The following RORA variants were observed in gnomAD, a reference collection of about 807,000 sequenced individuals.
The protein encoded by RORA is RAR related orphan receptor A, also known as nuclear receptor ROR-alpha.
RORA carries 7 observed loss-of-function variants against 69.5 expected under a neutral mutation model. That is an observed-to-expected ratio of 0.10 (90% CI 0.06 to 0.19). The LOEUF (loss-of-function observed/expected upper bound fraction) is 0.19, where lower values mean the gene tolerates loss of function less well. Among genes scored for constraint, RORA ranks in the 10% least tolerant of loss-of-function variants. The pLI, the probability that RORA is intolerant of heterozygous loss-of-function variation, is 1.00. For synonymous variants in RORA, 261 were observed against 240.8 expected, an observed-to-expected ratio of 1.08 and a Z score of -0.78; for missense variants, 457 against 663.0, an observed-to-expected ratio of 0.69 and a Z score of 3.41.
chr15:61,187,497 G>A (rs1425329350), intron 1 of RORA, among the ~76,000 whole-genome samples: 2 of 152,174 alleles, frequency 1.3e-5, no homozygotes, highest in African/African-American at 4.8e-5. Context: ...ACCAAGAGGA[G>A]GAGGAGGGGT....
intron 1 of RORA, among the ~76,000 whole-genome samples, chr15:60,733,588 A>C (rs190296138): frequency 7.2e-5 from 11 of 152,322 alleles, no homozygotes; most frequent in South Asian, 6.2e-4. Flanking sequence ...TGAGGAAGAA[A>C]AAAGACCATG....
At position 61,043,362 on chromosome 15, in the gene RORA, C is replaced by G. The variant is rs548834258; in HGVS notation, c.166+185691G>C. Reference sequence around the variant, plus strand: ...ACTCCTCATCTCACAGATGAGAACTCCAGTTCAGTCCTTTTGCCTCCTCCA... The same window carrying G: ...ACTCCTCATCTCACAGATGAGAACTGCAGTTCAGTCCTTTTGCCTCCTCCA... On this transcript the variant is annotated intron_variant, in intron 1 of 10. Transcript: ENST00000335670. Among the ~76,000 whole-genome samples, 39 of 152,212 alleles carry G rather than the reference C, an allele frequency of 2.6e-4. 1 individual carries two copies. The highest frequency in any genetic ancestry group is 9.2e-4 in the African/African-American group (38 of 41,514).
chr15:60,773,852 T>C (rs933639383), intron 1 of RORA, among the ~76,000 whole-genome samples: 1 of 152,204 alleles, frequency 6.6e-6, no homozygotes, highest in Admixed American at 6.5e-5. Flanking sequence ...TATGGAAATT[T>C]CCCAAGGGCA....
chr15:60,610,198 T>TCACACACACACACACA (rs10674463), intron 2 of RORA, among the ~76,000 whole-genome samples: 1 of 148,370 alleles, frequency 6.7e-6, no homozygotes, highest in Non-Finnish European at 1.5e-5. Flanking sequence ...GTCGTGTAAG[T>TCACACACACACACACA]CACACACACA....
chr15:61,090,233 CT>C (rs2078685624), intron 1 of RORA, among the ~76,000 whole-genome samples: 1 of 152,204 alleles, frequency 6.6e-6, no homozygotes, highest in South Asian at 2.1e-4. Flanking sequence ...GCATGAATCA[CT>C]TTCAAGACCT....
intron 1 of RORA, among the ~76,000 whole-genome samples, chr15:61,073,227 G>A (rs2078394381): frequency 6.6e-6 from 1 of 152,168 alleles, no homozygotes; most frequent in East Asian, 1.9e-4. Flanking sequence ...GTAAGCCAAA[G>A]GCTTTTGTTA....
intron 2 of RORA, among the ~76,000 whole-genome samples, chr15:60,648,153 A>G (rs1445792778): frequency 6.6e-6 from 1 of 152,270 alleles, no homozygotes; most frequent in Non-Finnish European, 1.5e-5. Flanking sequence ...GCAAGTGAGC[A>G]CGTAGGTGCC....
chr15:60,801,561 A>G (rs927839996), intron 1 of RORA, among the ~76,000 whole-genome samples: 1 of 152,264 alleles, frequency 6.6e-6, no homozygotes, highest in African/African-American at 2.4e-5. Context: ...AATAAAAAAC[A>G]TAAGGGCTAT....
intron 1 of RORA, among the ~76,000 whole-genome samples, chr15:61,171,813 C>T (rs893893213): frequency 2.0e-5 from 3 of 152,186 alleles, no homozygotes; most frequent in Non-Finnish European, 2.9e-5. Flanking sequence ...AGACACAAAA[C>T]GTTGCCTTTG....
chr15:60,947,235 G>GT (rs1189057531), intron 1 of RORA, among the ~76,000 whole-genome samples: 1 of 152,228 alleles, frequency 6.6e-6, no homozygotes, highest in East Asian at 1.9e-4. Context: ...GACGATGGCG[G>GT]TTTTGTCGAA....
chr15:61,185,086 A>G (rs992037363), intron 1 of RORA, among the ~76,000 whole-genome samples: 48 of 152,020 alleles, frequency 3.2e-4, no homozygotes, highest in African/African-American at 1.1e-3. Context: ...TGGCAGACAC[A>G]TGGAACATGC....
chr15:61,054,709 C>T (rs1400875483), intron 1 of RORA, among the ~76,000 whole-genome samples: 1 of 152,118 alleles, frequency 6.6e-6, no homozygotes, highest in African/African-American at 2.4e-5. Flanking sequence ...CACTACGAGA[C>T]AAGGCACTGT....
intron 1 of RORA, among the ~76,000 whole-genome samples, chr15:60,819,119 A>G (rs4775300): frequency 0.053 from 8,023 of 152,302 alleles, 260 homozygotes; most frequent in Admixed American, 0.087. Flanking sequence ...GAGATTAAAA[A>G]CAAAAATCTC....
intron 1 of RORA, among the ~76,000 whole-genome samples, chr15:60,733,221 A>G (rs1210506723): frequency 6.6e-6 from 1 of 152,222 alleles, no homozygotes; most frequent in Admixed American, 6.5e-5. Flanking sequence ...TCATATTTCA[A>G]TCTTCTCCCC....
At position 60,851,420 on chromosome 15, in the gene RORA, G is replaced by A. The variant is rs369360541; in HGVS notation, c.167-172734C>T. Among the ~76,000 whole-genome samples, 4 of 152,202 alleles carry A rather than the reference G, an allele frequency of 2.6e-5. No individual in the cohort carries two copies. The East Asian group carries it at 5.8e-4, about 22-fold the overall frequency. ...GGGTGTGAGCGTGAAAGGCCTCAAC[G>A]GGGTTGCATGTGTTGGCAGCCAGGT... On this transcript the variant is annotated intron_variant, in intron 1 of 10. Coordinates refer to ENST00000335670, the MANE Select transcript of RORA (RefSeq NM_134261.3).
intron 2 of RORA, among the ~76,000 whole-genome samples, chr15:60,575,840 T>C (rs2068009316): frequency 6.6e-6 from 1 of 152,276 alleles, no homozygotes; most frequent in African/African-American, 2.4e-5. Flanking sequence ...TTTATTTTAC[T>C]TCAAAGAGAA....
rs193122581 is a variant in RORA, at chr15:60,509,674, G to A, written c.820+1552C>T. On this transcript the variant is annotated intron_variant, in intron 5 of 10. Coordinates refer to ENST00000335670, the MANE Select transcript of RORA (RefSeq NM_134261.3). ...GTCAGGTCATTTTTCATGGTATCAT[G>A]TCAGCTTTCAATCAAATCCTTATTC... 1.0e-3 allele frequency among the ~76,000 whole-genome samples: 159 copies of A among 152,080 alleles called. 1 individual carries two copies. In the Middle Eastern group the frequency reaches 0.014, roughly 13 times the overall value.
At chr15:60,755,699 A>T (rs11637301) in intron 1 of RORA, among the ~76,000 whole-genome samples, 31,152 of 152,130 alleles carry the variant, frequency 0.2, 3,752 homozygotes, top group African/African-American at 0.34. Context: ...AACCCAACAC[A>T]TAGAAGCTGT....
At chr15:60,756,278 A>T (rs576863661) in intron 1 of RORA, among the ~76,000 whole-genome samples, 1 of 152,348 alleles carries the variant, frequency 6.6e-6, no homozygotes, top group Non-Finnish European at 1.5e-5. Context: ...TGAGGAGCTG[A>T]ATGTTACCAG....
Sources: gnomAD v4.1 joint callset for allele counts (sites outside exome capture counted in the v4.1 genomes callset) on GRCh38, gnomAD v4.1.1 for gene constraint, MANE v1.5 for transcripts, NCBI Gene and HGNC (gene_info 2026-07-23, HGNC 2026-07-21) for gene names.